ABCA6: variants seen among roughly 807,000 people sequenced by gnomAD.
The protein encoded by ABCA6 is ATP-binding cassette sub-family A member 6.
ABCA6 carries 164 observed loss-of-function variants against 191.2 expected under a neutral mutation model. The observed-to-expected ratio is 0.86, with a 90% confidence interval of 0.76 to 0.98. The LOEUF is 0.98. Among genes scored for constraint, ABCA6 ranks in the 50% least tolerant of loss-of-function variants. ABCA6 has a pLI of 0.00. For missense variants in ABCA6, 1,958 were observed against 1,894.1 expected, an observed-to-expected ratio of 1.03 and a Z score of -0.63; for synonymous variants, 636 against 647.7, an observed-to-expected ratio of 0.98 and a Z score of 0.27.
chr17:69,096,179 G>C (rs1235918619), intron 25 of ABCA6, 61 bp downstream of exon 25: 1 of 783,456 alleles, frequency 1.3e-6, no homozygotes, highest in Admixed American at 3.6e-5. Context: ...CTGTATTTAA[G>C]ATTACATTAG....
intron 10 of ABCA6, 79 bp from the exon 11 acceptor site, chr17:69,118,035 T>C (rs1227528952): frequency 1.0e-6 from 1 of 986,522 alleles, no homozygotes; most frequent in Non-Finnish European, 1.5e-6. Flanking sequence ...CTAGTCATAG[T>C]GATAACTGCA....
chr17:69,113,050 G>T, intron 15 of ABCA6, 172 bp downstream of exon 15: 1 of 631,612 alleles, frequency 1.6e-6, no homozygotes, highest in Non-Finnish European at 2.3e-6. Context: ...CCTAGCAAAT[G>T]TACAACCAGA....
intron 8 of ABCA6, among the ~76,000 whole-genome samples, chr17:69,127,447 A>C (rs1238935040): frequency 2.0e-5 from 3 of 152,134 alleles, no homozygotes; most frequent in Non-Finnish European, 4.4e-5. Context: ...AACTCAGAGG[A>C]AAAATGGGCC....
chr17:69,098,841 C>A (rs1372216834), intron 22 of ABCA6, among the ~76,000 whole-genome samples: 1 of 152,034 alleles, frequency 6.6e-6, no homozygotes, highest in Non-Finnish European at 1.5e-5. Context: ...AGTTTCAATT[C>A]CGCAAGACGG....
intron 10 of ABCA6, among the ~76,000 whole-genome samples, chr17:69,118,915 G>GTC (rs998567652): frequency 2.6e-5 from 4 of 151,730 alleles, no homozygotes; most frequent in Non-Finnish European, 4.4e-5. Flanking sequence ...TGCATAGATA[G>GTC]TCTCTCTCTC....
intron 11 of ABCA6, chr17:69,115,694 G>A: frequency 2.6e-6 from 1 of 380,470 alleles, no homozygotes; most frequent in Non-Finnish European, 4.7e-6. Context: ...ATATGTTACT[G>A]GTGCAGGATA....
intron 15 of ABCA6, chr17:69,112,757 A>G (rs117822330): frequency 0.021 from 3,225 of 154,966 alleles, 53 homozygotes; most frequent in Non-Finnish European, 0.032. Context: ...TCACCACTAC[A>G]TAATATATCC....
Position 69,106,311 on chromosome 17 carries a change from G to A in ABCA6, c.2390-100C>T, listed in dbSNP as rs2073303495. On this transcript the variant is annotated intron_variant, in intron 18 of 38. Transcript: ENST00000284425. ...AGTAATATTAAAAATAGTATTACAT[G>A]GCCAGGCATGGTGGCTTATGCCTGT... 5 of 1,166,376 alleles carry A rather than the reference G, an allele frequency of 4.3e-6. No individual in the cohort carries two copies. In the East Asian group the frequency reaches 1.3e-4, roughly 31 times the overall value. The allele number at this position is 1,166,376 out of a possible 1,614,324, so 72.3% of individuals were successfully genotyped here.
Position 69,137,334 on chromosome 17 carries a change from T to G in ABCA6, c.263A>C (p.Gln88Pro), listed in dbSNP as rs1160856796. The G allele has an allele frequency of 6.2e-7, 1 of 1,613,404 alleles. No individual in the cohort carries two copies. Among genetic ancestry groups the G allele is most frequent in the Non-Finnish European group, 8.5e-7 (1 of 1,179,728 alleles). ...VYTPISNLTQ[Q>P]IMNKTALAPL... ...AGCAAGTGCTGTTTTATTCATTATC[T>G]GCTGGGTTAAATTAGATATTGGTGT... is the stretch of plus-strand genomic sequence containing the variant. Residue 88 changes from glutamine (Q) to proline (P), a missense_variant, in exon 3 of 39, where the codon CAG becomes CCG. By Grantham distance (76) the Gln-to-Pro change is moderately conservative. Transcript: ENST00000284425.
At chr17:69,137,173 C>T (rs1164492662) in intron 3 of ABCA6, 123 bp downstream of exon 3, 13 of 896,534 alleles carry the variant, frequency 1.5e-5, no homozygotes, top group South Asian at 1.8e-5. Context: ...GATTTGTATG[C>T]TATTTTAGTA....
At chr17:69,085,386 A>G (rs573638884) in intron 31 of ABCA6, among the ~76,000 whole-genome samples, 1 of 152,164 alleles carries the variant, frequency 6.6e-6, no homozygotes, top group East Asian at 1.9e-4. Context: ...AAAGAGACCT[A>G]ATAAGCTCAG....
intron 18 of ABCA6, among the ~76,000 whole-genome samples, chr17:69,106,765 T>G (rs2073316212): frequency 6.6e-6 from 1 of 152,118 alleles, no homozygotes; most frequent in Non-Finnish European, 1.5e-5. Flanking sequence ...AAATTAAAAT[T>G]TTAAATAAAA....
chr17:69,093,403 G>C (rs1172930984), intron 25 of ABCA6, among the ~76,000 whole-genome samples: 1 of 152,202 alleles, frequency 6.6e-6, no homozygotes, highest in African/African-American at 2.4e-5. Context: ...TATTCTGTAA[G>C]TTCTGTAAGT....
At chr17:69,102,798 TTTTG>T in intron 21 of ABCA6, 33 bp downstream of exon 21, 3 of 1,553,872 alleles carry the variant, frequency 1.9e-6, no homozygotes, top group Non-Finnish European at 2.6e-6. Flanking sequence ...ATGTAGTACT[TTTTG>T]TTTTTTTCAT....
chr17:69,089,356 GA>G, intron 27 of ABCA6, 108 bp downstream of exon 27: 1 of 1,014,600 alleles, frequency 9.9e-7, no homozygotes, highest in Non-Finnish European at 1.5e-6. Context: ...CTTTATCTAA[GA>G]TCATATAAAA....
chr17:69,127,528 G>A (rs1005079176), intron 8 of ABCA6, among the ~76,000 whole-genome samples: 8 of 152,000 alleles, frequency 5.3e-5, no homozygotes, highest in Admixed American at 1.3e-4. Context: ...GGCATTAAAC[G>A]TCATCAATAA....
intron 34 of ABCA6, 79 bp from the exon 35 acceptor site, chr17:69,083,410 T>A: frequency 7.1e-7 from 1 of 1,401,916 alleles, no homozygotes; most frequent in Non-Finnish European, 9.4e-7. Flanking sequence ...AATATATGAA[T>A]CATATTCAGA....
rs748921280 is a variant in ABCA6, at chr17:69,117,967, A to G, written c.1437-11T>C. On this transcript the variant is annotated splice_polypyrimidine_tract_variant and intron_variant, in intron 10 of 38. Coordinates refer to ENST00000284425, the MANE Select transcript of ABCA6 (RefSeq NM_080284.3). Reference sequence around the variant, plus strand: ...TTAACATTTCTGATTCTGAAATAACAAAAAGGGTGCTTACTTAGCCAACAC... The same window carrying G: ...TTAACATTTCTGATTCTGAAATAACGAAAAGGGTGCTTACTTAGCCAACAC... 5 of 1,579,102 alleles carry G rather than the reference A, an allele frequency of 3.2e-6. No individual in the cohort carries two copies. Among genetic ancestry groups the G allele is most frequent in the Non-Finnish European group, 3.5e-6 (4 of 1,154,942 alleles).
intron 17 of ABCA6, chr17:69,109,744 C>A (rs1426321527): frequency 1.3e-5 from 2 of 152,162 alleles, no homozygotes; most frequent in East Asian, 3.9e-4. Flanking sequence ...CTATACCCAC[C>A]TGTCACTTAG....
Sources: gnomAD v4.1 joint callset for allele counts (sites outside exome capture counted in the v4.1 genomes callset) on GRCh38, gnomAD v4.1.1 for gene constraint, MANE v1.5 for transcripts, NCBI Gene and HGNC (gene_info 2026-07-23, HGNC 2026-07-21) for gene names.